DSCAM: variants seen among roughly 807,000 people sequenced by gnomAD.
DSCAM encodes the protein DS cell adhesion molecule, also known as cell adhesion molecule DSCAM.
In DSCAM, 47 loss-of-function variants were observed where a neutral mutation model predicts 217.7. That is an observed-to-expected ratio of 0.22 (90% CI 0.17 to 0.28). The LOEUF is 0.28. DSCAM is among the 10% of genes least tolerant of loss of function. The pLI, the probability that DSCAM is intolerant of heterozygous loss-of-function variation, is 1.00. For missense variants in DSCAM, 2,080 were observed against 2,618.3 expected (o/e 0.79, Z 4.49); for synonymous variants, 1,056 against 1,015.3 (o/e 1.04, Z -0.76).
intron 1 of DSCAM, among the ~76,000 whole-genome samples, chr21:40,758,031 TAAG>T (rs887795573): frequency 6.6e-6 from 1 of 152,052 alleles, no homozygotes; most frequent in Admixed American, 6.6e-5. Flanking sequence ...GGTTTTCTTA[TAAG>T]AAGAGGAAAA....
chr21:40,353,429 G>T (rs2074655277), intron 5 of DSCAM, 36 bp downstream of exon 5: 9 of 1,584,378 alleles, frequency 5.7e-6, no homozygotes, highest in African/African-American at 1.4e-5. Flanking sequence ...ATCGATGGAA[G>T]CCAACACCAC....
intron 3 of DSCAM, among the ~76,000 whole-genome samples, chr21:40,645,705 T>C (rs1319871596): frequency 1.3e-5 from 2 of 152,142 alleles, no homozygotes; most frequent in Non-Finnish European, 2.9e-5. Context: ...CACAAAACAC[T>C]GTGATGTGTT....
intron 1 of DSCAM, among the ~76,000 whole-genome samples, chr21:40,719,937 A>G (rs1240177682): frequency 6.6e-6 from 1 of 152,124 alleles, no homozygotes; most frequent in Non-Finnish European, 1.5e-5. Context: ...AAATTAAAAG[A>G]GTTTAAAGAA....
At chr21:40,197,361 A>G (rs1005047320) in intron 11 of DSCAM, among the ~76,000 whole-genome samples, 3 of 151,834 alleles carry the variant, frequency 2.0e-5, no homozygotes, top group Non-Finnish European at 2.9e-5. Context: ...CTTGCGATCC[A>G]CCCACCTCGG....
chr21:40,635,981 G>A (rs1330643700), intron 3 of DSCAM, among the ~76,000 whole-genome samples: 2 of 152,088 alleles, frequency 1.3e-5, no homozygotes, highest in South Asian at 2.1e-4. Context: ...AAACACGCAG[G>A]CAAAATGAAT....
rs1303576073 is a variant in DSCAM, at chr21:40,847,101, C to A, written c.-440G>T. ...CGGGCAGGCTCATCTTTGCCGTGCT[C>A]CGGCCTCAGTCACATGGATCCCTCT... On this transcript the variant is annotated 5_prime_UTR_variant, in exon 1 of 33. Transcript: ENST00000400454. The A allele has an allele frequency of 6.6e-6, 1 of 152,326 alleles. No individual in the cohort carries two copies. The highest frequency in any genetic ancestry group is 2.4e-5 in the African/African-American group (1 of 41,468). 9.4% of individuals were successfully genotyped at this position (152,326 alleles called of 1,614,324 possible).
chr21:40,183,047 C>G lies in DSCAM; in HGVS notation c.2780-3953G>C, dbSNP rs75719997. 8.2e-3 allele frequency among the ~76,000 whole-genome samples: 61 copies of G among 7,432 alleles called. 11 individuals carry two copies. The highest frequency in any genetic ancestry group is 0.014 in the Non-Finnish European group (45 of 3,246). 4.9% of individuals were successfully genotyped at this position (7,432 alleles called of 152,430 possible). The stretch of plus-strand genomic sequence containing the variant: ...CAGAGAAACCGTGGACAGGAGGGGG[C>G]TACCAGAGAAACCGTGGACAGGAGG... On this transcript the variant is annotated intron_variant, in intron 14 of 32. Coordinates refer to ENST00000400454, the MANE Select transcript of DSCAM (RefSeq NM_001389.5).
At chr21:40,644,813 T>G (rs976223466) in intron 3 of DSCAM, among the ~76,000 whole-genome samples, 2 of 152,170 alleles carry the variant, frequency 1.3e-5, no homozygotes, top group Non-Finnish European at 2.9e-5. Flanking sequence ...CTTTGCTCAA[T>G]GCACCAAGAA....
chr21:40,278,267 A>C (rs1181902863), intron 10 of DSCAM, among the ~76,000 whole-genome samples: 1 of 152,234 alleles, frequency 6.6e-6, no homozygotes, highest in Non-Finnish European at 1.5e-5. Context: ...TTCATGAATA[A>C]AAATGCTTAA....
intron 3 of DSCAM, among the ~76,000 whole-genome samples, chr21:40,649,365 A>G (rs2089987220): frequency 6.6e-6 from 1 of 152,116 alleles, no homozygotes; most frequent in African/African-American, 2.4e-5. Flanking sequence ...CACCTCCAAG[A>G]CAGCCCCACT....
chr21:40,244,938 A>AG (rs2073203052), intron 11 of DSCAM, among the ~76,000 whole-genome samples: 1 of 151,576 alleles, frequency 6.6e-6, no homozygotes, highest in African/African-American at 2.4e-5. Context: ...GCCGACTGCC[A>AG]AGGGCTTGAC....
At chr21:40,210,389 C>A (rs563971855) in intron 11 of DSCAM, among the ~76,000 whole-genome samples, 1 of 152,162 alleles carries the variant, frequency 6.6e-6, no homozygotes, top group South Asian at 2.1e-4. Flanking sequence ...ATACAGACTC[C>A]TAGGAAGTTG....
At chr21:40,464,822 C>A (rs535736945) in intron 3 of DSCAM, among the ~76,000 whole-genome samples, 71 of 151,376 alleles carry the variant, frequency 4.7e-4, no homozygotes, top group African/African-American at 1.5e-3. Context: ...CTCACTGCAA[C>A]CTCTGCCTCC....
At chr21:40,590,686 A>G (rs2076977818) in intron 3 of DSCAM, among the ~76,000 whole-genome samples, 1 of 152,208 alleles carries the variant, frequency 6.6e-6, no homozygotes, top group Non-Finnish European at 1.5e-5. Context: ...AACTAACAAG[A>G]GACTATACTT....
chr21:40,287,239 G>C (rs545277328), intron 10 of DSCAM, among the ~76,000 whole-genome samples: 1 of 152,382 alleles, frequency 6.6e-6, no homozygotes, highest in South Asian at 2.1e-4. Context: ...ATTAACAGGT[G>C]ATCTGCAGTG....
At chr21:40,035,235 T>A (rs2088596317) in intron 32 of DSCAM, among the ~76,000 whole-genome samples, 1 of 112,408 alleles carries the variant, frequency 8.9e-6, no homozygotes, top group Non-Finnish European at 1.8e-5. Context: ...GGATAAAGAG[T>A]CAAGACCCAT....
chr21:40,700,735 C>CT (rs775869471), intron 2 of DSCAM, among the ~76,000 whole-genome samples: 8,446 of 137,866 alleles, frequency 0.061, 519 homozygotes, highest in African/African-American at 0.15. Flanking sequence ...TTCTTTCTTT[C>CT]TTTTTTTTTT....
intron 11 of DSCAM, among the ~76,000 whole-genome samples, chr21:40,269,710 C>A (rs772133868): frequency 1.3e-5 from 2 of 152,274 alleles, no homozygotes; most frequent in Admixed American, 6.5e-5. Flanking sequence ...CCTGTGGCAG[C>A]ATAACTCCAA....
chr21:40,609,905 T>C lies in DSCAM; in HGVS notation c.508+82905A>G, dbSNP rs185479619. 9.7e-4 allele frequency among the ~76,000 whole-genome samples: 147 copies of C among 152,312 alleles called. No homozygotes were observed. In the Middle Eastern group the frequency reaches 0.01, roughly 11 times the overall value. ...GCCTCAAGCTCTGGTTAGATTCTTA[T>C]TACTCAGTGCTCTTATATCAAGATG... On this transcript the variant is annotated intron_variant, in intron 3 of 32. Transcript: ENST00000400454.
Sources: gnomAD v4.1 joint callset for allele counts (sites outside exome capture counted in the v4.1 genomes callset) on GRCh38, gnomAD v4.1.1 for gene constraint, MANE v1.5 for transcripts, NCBI Gene and HGNC (gene_info 2026-07-23, HGNC 2026-07-21) for gene names.